Variants in SESTD1 observed in about 807,000 individuals in gnomAD.
SESTD1 encodes the protein SEC14 domain and spectrin repeat-containing protein 1.
A neutral mutation model predicts 101.7 loss-of-function variants in SESTD1; 43 were observed. The observed-to-expected ratio is 0.42, with a 90% CI of 0.33 to 0.55. The LOEUF is 0.55. Among genes scored for constraint, SESTD1 ranks in the 20% least tolerant of loss-of-function variants. The pLI is 0.07. For missense variants in SESTD1, 647 were observed against 815.1 expected, an observed-to-expected ratio of 0.79 and a Z score of 2.51; for synonymous variants, 283 against 286.8, an observed-to-expected ratio of 0.99 and a Z score of 0.13.
chr2:179,155,069 T>C (rs2045602334), intron 5 of SESTD1, among the ~76,000 whole-genome samples: 1 of 152,162 alleles, frequency 6.6e-6, no homozygotes, highest in East Asian at 1.9e-4. Context: ...CGTGCCACCA[T>C]GCTCGGCTCA....
chr2:179,207,544 G>A (rs2105514593), intron 1 of SESTD1, among the ~76,000 whole-genome samples: 1 of 135,172 alleles, frequency 7.4e-6, no homozygotes, highest in East Asian at 2.0e-4. Context: ...GAGACCTAAA[G>A]ACAGATGACA....
intron 5 of SESTD1, among the ~76,000 whole-genome samples, chr2:179,154,114 T>C (rs1224264104): frequency 6.7e-6 from 1 of 149,218 alleles, no homozygotes; most frequent in Non-Finnish European, 1.5e-5. Flanking sequence ...GTACTTGTAG[T>C]CCCAGCTACT....
intron 1 of SESTD1, among the ~76,000 whole-genome samples, chr2:179,238,352 T>C (rs569395082): frequency 5.9e-5 from 9 of 152,288 alleles, no homozygotes; most frequent in Non-Finnish European, 8.8e-5. Context: ...CAGAAAACTG[T>C]TGGCATAATA....
chr2:179,263,688 C>CA (rs1271083191), intron 1 of SESTD1, among the ~76,000 whole-genome samples: 1 of 152,176 alleles, frequency 6.6e-6, no homozygotes, highest in African/African-American at 2.4e-5. Flanking sequence ...CGGGGGCTGT[C>CA]AGAGCAACAG....
At chr2:179,253,417 A>G (rs960280029) in intron 1 of SESTD1, among the ~76,000 whole-genome samples, 3 of 152,202 alleles carry the variant, frequency 2.0e-5, no homozygotes, top group Non-Finnish European at 2.9e-5. Context: ...GTTTTGACAA[A>G]TGAACCACAG....
At chr2:179,140,293 G>A (rs776097161) in intron 9 of SESTD1, among the ~76,000 whole-genome samples, 9 of 152,140 alleles carry the variant, frequency 5.9e-5, no homozygotes, top group Non-Finnish European at 8.8e-5. Flanking sequence ...TTTATTAGGA[G>A]ACAGTCTTTA....
chr2:179,142,658 A>G, intron 9 of SESTD1, among the ~76,000 whole-genome samples: 1 of 152,222 alleles, frequency 6.6e-6, no homozygotes, highest in Non-Finnish European at 1.5e-5. Context: ...ACAAAATGCC[A>G]GTTCTTTCAA....
At position 179,132,362 on chromosome 2, in the gene SESTD1, G is replaced by C; in HGVS notation, c.914C>G (p.Ser305Cys). The C allele has an allele frequency of 6.4e-7, 1 of 1,573,304 alleles. No homozygotes were observed. Among genetic ancestry groups the C allele is most frequent in the Non-Finnish European group, 8.6e-7 (1 of 1,167,674 alleles). Residue 305 changes from serine (S) to cysteine (C), a missense_variant, in exon 10 of 18, where the codon TCC (serine) becomes TGC (cysteine). Transcript: ENST00000428443. The part of the protein sequence containing the change: ...QLRAQWGIGD[S>C]IRASQALQQK... ...CTGTAGGGCCTGGGAGGCCCTAATGGAGTCTCCAATGCCCCACTGGGCTCT... is the reference window on the plus strand; with the variant it reads ...CTGTAGGGCCTGGGAGGCCCTAATGCAGTCTCCAATGCCCCACTGGGCTCT...
rs563128401 is a variant in SESTD1 at position 179,228,397 on chromosome 2, G to A, written c.-26+36102C>T. Among the ~76,000 whole-genome samples the A allele has an allele frequency of 2.6e-5, 4 of 152,280 alleles. No homozygotes were observed. In the East Asian group the frequency reaches 5.8e-4, roughly 22 times the overall value. ...TCCATGTGTGTAATGGAAGGTTAAAGGAGTTCCATCTTAGGGCTTGCAAAT... is the reference window on the plus strand; with the variant it reads ...TCCATGTGTGTAATGGAAGGTTAAAAGAGTTCCATCTTAGGGCTTGCAAAT... On this transcript the variant is annotated intron_variant, in intron 1 of 17. Coordinates refer to ENST00000428443, the MANE Select transcript of SESTD1 (RefSeq NM_178123.5).
intron 10 of SESTD1, among the ~76,000 whole-genome samples, chr2:179,125,644 ATC>A: frequency 6.6e-6 from 1 of 152,302 alleles, no homozygotes; most frequent in South Asian, 2.1e-4. Flanking sequence ...GGATTGACAG[ATC>A]TCTTTTTAAA....
intron 1 of SESTD1, among the ~76,000 whole-genome samples, chr2:179,225,632 T>C (rs1176122559): frequency 6.6e-6 from 1 of 152,156 alleles, no homozygotes; most frequent in African/African-American, 2.4e-5. Flanking sequence ...CCAGGTTCAG[T>C]GCCTGGTGAA....
At chr2:179,262,775 T>C (rs1162673185) in intron 1 of SESTD1, among the ~76,000 whole-genome samples, 3 of 152,242 alleles carry the variant, frequency 2.0e-5, no homozygotes, top group Admixed American at 6.5e-5. Flanking sequence ...TTCTTAATTA[T>C]TGGACATTTC....
chr2:179,174,267 G>A, intron 4 of SESTD1: 1 of 368,924 alleles, frequency 2.7e-6, no homozygotes, highest in Non-Finnish European at 5.4e-6. Flanking sequence ...GACTTCATAT[G>A]TAGAAACTGT....
In SESTD1 at chr2:179,123,773, A is replaced by G; in HGVS notation, c.1224T>C (p.Ala408=). Reference sequence around the variant, plus strand: ...AAGTTTGCTGAATCGATGCTCCATCAGCTGGTGCTACATCTACGCACAACA... The same window carrying G: ...AAGTTTGCTGAATCGATGCTCCATCGGCTGGTGCTACATCTACGCACAACA... ...LGMLCVDVAP[A]DGASIQQTLK... The change falls in exon 12 of 18, where the codon GCT becomes GCC. Residue 408 remains alanine, a synonymous_variant. Coordinates refer to ENST00000428443, the MANE Select transcript of SESTD1 (RefSeq NM_178123.5). The G allele has an allele frequency of 6.2e-7, 1 of 1,614,078 alleles. No individual in the cohort carries two copies. The highest frequency in any genetic ancestry group is 8.5e-7 in the Non-Finnish European group (1 of 1,179,974).
At chr2:179,255,586 C>A (rs2047382250) in intron 1 of SESTD1, among the ~76,000 whole-genome samples, 1 of 152,154 alleles carries the variant, frequency 6.6e-6, no homozygotes. Context: ...GGAGTTGGTT[C>A]ATGAGGTTTA....
At chr2:179,144,338 G>T (rs1405873875) in intron 8 of SESTD1, among the ~76,000 whole-genome samples, 1 of 151,874 alleles carries the variant, frequency 6.6e-6, no homozygotes, top group Non-Finnish European at 1.5e-5. Flanking sequence ...TGATTAAAGG[G>T]AGAAAAGTTT....
chr2:179,110,121 T>G, intron 17 of SESTD1, 93 bp from the exon 18 acceptor site: 1 of 1,270,494 alleles, frequency 7.9e-7, no homozygotes, highest in Non-Finnish European at 1.1e-6. Context: ...CCATAAAAAA[T>G]CTACATGAGA....
At chr2:179,170,875 C>T (rs1024356360) in intron 5 of SESTD1, among the ~76,000 whole-genome samples, 21 of 152,200 alleles carry the variant, frequency 1.4e-4, no homozygotes, top group African/African-American at 4.8e-4. Context: ...GGGTTCGAAG[C>T]TCCTGCGCTC....
At chr2:179,165,105 C>T (rs377021066) in intron 5 of SESTD1, among the ~76,000 whole-genome samples, 81 of 152,202 alleles carry the variant, frequency 5.3e-4, no homozygotes, top group Admixed American at 4.6e-3. Context: ...CCCTTAAAGC[C>T]GGGTTTGCCT....
Sources: gnomAD v4.1 joint callset for allele counts (sites outside exome capture counted in the v4.1 genomes callset) on GRCh38, gnomAD v4.1.1 for gene constraint, MANE v1.5 for transcripts, NCBI Gene and HGNC (gene_info 2026-07-23, HGNC 2026-07-21) for gene names.